Variants in PCDH11X observed in about 807,000 individuals in gnomAD.
The protein encoded by PCDH11X is protocadherin-11 X-linked.
Under a neutral mutation model 53.3 loss-of-function variants are expected in PCDH11X, and 18 were observed. The observed-to-expected ratio is 0.34, with a 90% CI of 0.23 to 0.50. The LOEUF (loss-of-function observed/expected upper bound fraction) is 0.50, where lower values mean the gene tolerates loss of function less well. Ranked by LOEUF, PCDH11X falls within the 20% of genes least tolerant of loss-of-function variation. The pLI is 0.98. For synonymous variants in PCDH11X, 279 were observed against 393.3 expected (o/e 0.71, Z 3.44); for missense variants, 570 against 1,032.4 (o/e 0.55, Z 6.14).
chrX:91,968,378 G>C (rs1429338857), intron 6 of PCDH11X, among the ~76,000 whole-genome samples: 2 of 107,849 alleles, frequency 1.9e-5, no homozygotes, highest in Non-Finnish European at 3.8e-5. Flanking sequence ...CACCACATTT[G>C]TAATTTTTTC....
chrX:91,863,124 T>C (rs1938777287), intron 5 of PCDH11X, among the ~76,000 whole-genome samples: 1 of 109,126 alleles, frequency 9.2e-6, no homozygotes, highest in South Asian at 4.1e-4. Context: ...ATGCATGTGG[T>C]GTATAGTACA....
chrX:92,551,100 C>T, intron 10 of PCDH11X, among the ~76,000 whole-genome samples: 1 of 110,373 alleles, frequency 9.1e-6, no homozygotes, highest in Middle Eastern at 4.7e-3. Context: ...TGGTATATGC[C>T]AAGCAGGGGA....
At chrX:91,913,506 T>C (rs1391634019) in intron 6 of PCDH11X, among the ~76,000 whole-genome samples, 4 of 111,076 alleles carry the variant, frequency 3.6e-5, no homozygotes, top group African/African-American at 6.6e-5. Context: ...CATAACCCCA[T>C]TGGCCTGAGA....
chrX:92,299,319 C>T (rs908864027), intron 8 of PCDH11X, among the ~76,000 whole-genome samples: 3 of 111,035 alleles, frequency 2.7e-5, no homozygotes, highest in African/African-American at 9.8e-5. Flanking sequence ...AATAACCACT[C>T]AGTCAGTACT....
At chrX:92,132,271 G>A (rs1260208710) in intron 6 of PCDH11X, among the ~76,000 whole-genome samples, 1 of 48,263 alleles carries the variant, frequency 2.1e-5, no homozygotes, top group Non-Finnish European at 3.5e-5. Context: ...GGCAACAAGA[G>A]CAAACCTCTG....
chrX:92,205,325 C>T lies in PCDH11X; in HGVS notation c.3114+3870C>T, dbSNP rs146720434. 2.3e-4 allele frequency among the ~76,000 whole-genome samples: 26 copies of T among 111,814 alleles called. No homozygotes were observed. In the East Asian group the frequency reaches 7.0e-3, roughly 30 times the overall value. The stretch of plus-strand genomic sequence containing the variant: ...GTGAGAATGTAGAATACAAAGCAAA[C>T]ATAATATAATAATCCCACCTACACC... On this transcript the variant is annotated intron_variant, in intron 7 of 10. Transcript: ENST00000682573.
intron 10 of PCDH11X, among the ~76,000 whole-genome samples, chrX:92,615,290 C>G (rs1413563167): frequency 3.6e-5 from 4 of 110,832 alleles, no homozygotes; most frequent in Non-Finnish European, 5.7e-5. Context: ...TGGGGCAACT[C>G]AGATTGCTGA....
chrX:92,500,326 T>C (rs947875793), intron 10 of PCDH11X, among the ~76,000 whole-genome samples: 16 of 111,784 alleles, frequency 1.4e-4, no homozygotes, highest in African/African-American at 5.2e-4. Context: ...TGATTTCTCC[T>C]ACCTTTTTTA....
In PCDH11X at chrX:92,407,375, G is replaced by C. The variant is rs558608417; in HGVS notation, c.3343+19442G>C. Among the ~76,000 whole-genome samples the C allele has an allele frequency of 5.3e-4, 58 of 108,679 alleles. No individual in the cohort carries two copies. In the South Asian group the frequency reaches 0.024, roughly 44 times the overall value. The allele number at this position is 108,679 out of a possible 115,157, so 94.4% of individuals were successfully genotyped here. On this transcript the variant is annotated intron_variant, in intron 9 of 10. Transcript: ENST00000682573. Reference sequence around the variant, plus strand: ...TACCTGTTATTAAAATTGTTGAGTTGCATGTTCAACCTATCTGAAGTCTCT... The same window carrying C: ...TACCTGTTATTAAAATTGTTGAGTTCCATGTTCAACCTATCTGAAGTCTCT...
intron 10 of PCDH11X, among the ~76,000 whole-genome samples, chrX:92,537,557 T>A (rs2074682496): frequency 9.3e-6 from 1 of 107,469 alleles, no homozygotes. Flanking sequence ...GCCAAAGCTG[T>A]CCTGAGCAAA....
intron 8 of PCDH11X, among the ~76,000 whole-genome samples, chrX:92,288,293 T>C (rs942620999): frequency 9.0e-6 from 1 of 111,270 alleles, no homozygotes. Flanking sequence ...TAGTAGGTTC[T>C]TATACTACCT....
At chrX:91,909,692 G>T (rs1327467519) in intron 6 of PCDH11X, among the ~76,000 whole-genome samples, 2 of 104,781 alleles carry the variant, frequency 1.9e-5, no homozygotes, top group East Asian at 6.2e-4. Context: ...GTTCAACAGA[G>T]ACCTCGGAAA....
chrX:92,567,804 T>C (rs1160181110), intron 10 of PCDH11X, among the ~76,000 whole-genome samples: 2 of 92,025 alleles, frequency 2.2e-5, no homozygotes, highest in Non-Finnish European at 4.2e-5. Flanking sequence ...TGAGAACACA[T>C]GGGCACATGG....
intron 9 of PCDH11X, among the ~76,000 whole-genome samples, chrX:92,457,851 T>C (rs2148653378): frequency 9.4e-6 from 1 of 106,100 alleles, no homozygotes; most frequent in South Asian, 4.2e-4. Flanking sequence ...AATTTTTCTT[T>C]ATGGATTTTA....
chrX:92,600,452 G>A (rs1401361522), intron 10 of PCDH11X, among the ~76,000 whole-genome samples: 2 of 111,308 alleles, frequency 1.8e-5, no homozygotes, highest in Admixed American at 1.9e-4. Context: ...TGTTTCAGAG[G>A]GTTCAAGCCC....
chrX:92,575,905 G>GTATATA (rs58574424), intron 10 of PCDH11X, among the ~76,000 whole-genome samples: 51 of 25,816 alleles, frequency 2.0e-3, no homozygotes, highest in Admixed American at 5.0e-3. Context: ...TACCTGGTGT[G>GTATATA]TATATATATA....
chrX:92,524,749 C>T (rs2074421754), intron 10 of PCDH11X, among the ~76,000 whole-genome samples: 1 of 111,073 alleles, frequency 9.0e-6, no homozygotes, highest in Non-Finnish European at 1.9e-5. Context: ...TTGCCATTCC[C>T]TTGAGATGTG....
Position 92,618,412 on chromosome X carries a change from C to T in PCDH11X, c.3516C>T (p.Cys1172=). The change falls in exon 11 of 11, where the codon TGC becomes TGT. Residue 1172 remains cysteine (C), a synonymous_variant. Coordinates refer to ENST00000682573, the MANE Select transcript of PCDH11X (RefSeq NM_032968.5). The part of the protein sequence containing the change: ...SSSQAQASAL[C]HSPPLSQAST... ...CGCAAGCACAGGCCTCTGCTCTATGCCACAGCCCACCACTGTCACAGGCCT... is the reference window on the plus strand; with the variant it reads ...CGCAAGCACAGGCCTCTGCTCTATGTCACAGCCCACCACTGTCACAGGCCT... The T allele has an allele frequency of 1.7e-6, 2 of 1,211,468 alleles. No homozygotes were observed. The highest frequency in any genetic ancestry group is 2.2e-6 in the Non-Finnish European group (2 of 895,412).
Position 92,103,293 on chromosome X carries a change from G to A in PCDH11X, c.3034-98082G>A, listed in dbSNP as rs779643878. Among the ~76,000 whole-genome samples, 8 of 110,831 alleles carry A rather than the reference G, an allele frequency of 7.2e-5. No homozygotes were observed. In the Admixed American group the frequency reaches 7.7e-4, roughly 11 times the overall value. ...GTGTTGTCTAAGTTGGCACCAGAGT[G>A]GGGGGAGTTTTAAGAGGTTTAGAAG... On this transcript the variant is annotated intron_variant, in intron 6 of 10. Coordinates refer to ENST00000682573, the MANE Select transcript of PCDH11X (RefSeq NM_032968.5).
Sources: gnomAD v4.1 joint callset for allele counts (sites outside exome capture counted in the v4.1 genomes callset) on GRCh38, gnomAD v4.1.1 for gene constraint, MANE v1.5 for transcripts, NCBI Gene and HGNC (gene_info 2026-07-23, HGNC 2026-07-21) for gene names.